Variants in HERC1 observed in about 807,000 individuals in gnomAD.
HERC1 encodes the protein probable E3 ubiquitin-protein ligase HERC1.
In HERC1, 160 loss-of-function variants were observed where a neutral mutation model predicts 554.3. The ratio of observed to expected loss-of-function variants is 0.29; its 90% CI spans 0.25 to 0.33. The LOEUF is 0.33. Among genes scored for constraint, HERC1 ranks in the 10% least tolerant of loss-of-function variants. The pLI, the probability that HERC1 is intolerant of heterozygous loss-of-function variation, is 1.00. For missense variants in HERC1, 4,919 were observed against 5,918.5 expected (o/e 0.83, Z 5.54); for synonymous variants, 2,175 against 2,131.7 (o/e 1.02, Z -0.56).
At chr15:63,652,159 G>C (rs896151596) in intron 52 of HERC1, among the ~76,000 whole-genome samples, 1 of 152,140 alleles carries the variant, frequency 6.6e-6, no homozygotes, top group Admixed American at 6.5e-5. Context: ...TTAGCCTACT[G>C]TTTTACATAG....
intron 67 of HERC1, among the ~76,000 whole-genome samples, chr15:63,633,125 A>G (rs767106798): frequency 2.0e-5 from 3 of 152,242 alleles, no homozygotes; most frequent in Non-Finnish European, 4.4e-5. Context: ...CTAGAAGACC[A>G]TGTTAGTTTA....
At chr15:63,654,409 G>C in intron 50 of HERC1, 85 bp from the exon 51 acceptor site, 1 of 1,047,420 alleles carries the variant, frequency 9.5e-7, no homozygotes, top group South Asian at 1.5e-5. Context: ...ATGCTCAGGT[G>C]AGATTTGGTG....
At chr15:63,703,679 G>A (rs1324185718) in intron 25 of HERC1, among the ~76,000 whole-genome samples, 1 of 152,086 alleles carries the variant, frequency 6.6e-6, no homozygotes, top group Non-Finnish European at 1.5e-5. Flanking sequence ...CTTGAGCCCA[G>A]TTCAAGACCA....
intron 39 of HERC1, 103 bp from the exon 40 acceptor site, chr15:63,669,801 G>A: frequency 3.8e-6 from 4 of 1,047,814 alleles, no homozygotes; most frequent in South Asian, 1.5e-5. Context: ...AGACTAAACA[G>A]GTTAGTTATA....
In HERC1 at chr15:63,774,784, G is replaced by A; in HGVS notation, c.840C>T (p.Thr280=). 2 of 1,613,956 alleles carry A rather than the reference G, an allele frequency of 1.2e-6. No homozygotes were observed. The highest frequency in any genetic ancestry group is 1.7e-6 in the Non-Finnish European group (2 of 1,179,872). The stretch of plus-strand genomic sequence containing the variant: ...TTGAGAGTAGTTTGCCTTTCTCCAT[G>A]GTGTGTACAACTGCCGAAGCCCCCA... ...MALGASAVVH[T]MEKGKLLSSQ... The change falls in exon 2 of 78, where the codon ACC becomes ACT. Residue 280 remains threonine (T), a synonymous_variant. Coordinates refer to ENST00000443617, the MANE Select transcript of HERC1 (RefSeq NM_003922.4).
chr15:63,743,437 G>A (rs2074910946), intron 12 of HERC1, among the ~76,000 whole-genome samples: 6 of 151,030 alleles, frequency 4.0e-5, no homozygotes, highest in Admixed American at 3.9e-4. Context: ...AATTTTTTTT[G>A]TATTTTTAGT....
rs778303478 is a variant in HERC1 at position 63,713,483 on chromosome 15, C to T, written c.4333G>A (p.Val1445Met). 11 of 1,613,868 alleles carry T rather than the reference C, an allele frequency of 6.8e-6. No individual in the cohort carries two copies. The highest frequency in any genetic ancestry group is 6.7e-5 in the Admixed American group (4 of 59,996). ...QDVYTAACNS[V>M]IHRCALLILG... ...ATTAACAGGGCACACCGATGGATCA[C>T]GGAGTTGCATGCAGCAGTGTACACA... Residue 1445 changes from valine (V) to methionine (M), a missense_variant, in exon 23 of 78, where the codon GTG (valine) becomes ATG (methionine). Val to Met is a conservative substitution (Grantham distance 21). Around this residue, in one of 11 missense-constraint regions of HERC1, gnomAD observed 1,121 missense variants for 1,244.0 expected, o/e 0.90. Coordinates refer to ENST00000443617, the MANE Select transcript of HERC1 (RefSeq NM_003922.4).
At chr15:63,630,438 G>A in intron 69 of HERC1, 28 bp downstream of exon 69, 1 of 1,594,010 alleles carries the variant, frequency 6.3e-7, no homozygotes, top group Non-Finnish European at 8.5e-7. Flanking sequence ...TAGAATATGA[G>A]AAAGCAGCAA....
At chr15:63,779,075 A>G (rs1417621910) in intron 1 of HERC1, among the ~76,000 whole-genome samples, 1 of 152,122 alleles carries the variant, frequency 6.6e-6, no homozygotes, top group East Asian at 1.9e-4. Context: ...AGTAGACTCA[A>G]TGACATAAAG....
At position 63,680,055 on chromosome 15, in the gene HERC1, T is replaced by G. The variant is rs778542010; in HGVS notation, c.6549+22A>C. The G allele has an allele frequency of 2.0e-6, 3 of 1,473,000 alleles. No individual in the cohort carries two copies. The allele number at this position is 1,473,000 out of a possible 1,614,324, so 91.2% of individuals were successfully genotyped here. A position where few individuals can be genotyped will look rare whatever the true frequency, so the allele number is the denominator to read the frequency against. Reference sequence around the variant, plus strand: ...CAATAAAATAACAAATATTCTTAAATAAAGGTTTGAGACTTCATTACCTTT... The same window carrying G: ...CAATAAAATAACAAATATTCTTAAAGAAAGGTTTGAGACTTCATTACCTTT... On this transcript the variant is annotated intron_variant, in intron 36 of 77. Transcript: ENST00000443617. The surrounding 1 kb of genome is among the most constrained non-coding windows in gnomAD (Gnocchi z 5.8).
intron 1 of HERC1, among the ~76,000 whole-genome samples, chr15:63,801,797 T>C (rs893672397): frequency 2.6e-5 from 4 of 152,182 alleles, no homozygotes; most frequent in Admixed American, 2.6e-4. Context: ...TGCAGTCCAC[T>C]TCAGTCTCCT....
intron 1 of HERC1, among the ~76,000 whole-genome samples, chr15:63,792,090 G>C (rs985389743): frequency 1.3e-5 from 2 of 152,092 alleles, no homozygotes; most frequent in Non-Finnish European, 2.9e-5. Flanking sequence ...ATATTCAATT[G>C]ACCAATATTC....
chr15:63,761,950 C>T (rs11633830), intron 3 of HERC1, among the ~76,000 whole-genome samples: 77,430 of 152,078 alleles, frequency 0.51, 20,664 homozygotes, highest in Non-Finnish European at 0.55. Context: ...CACATGTATA[C>T]ACATCCTAGC....
At chr15:63,691,914 G>A (rs1158239319) in intron 31 of HERC1, among the ~76,000 whole-genome samples, 1 of 152,210 alleles carries the variant, frequency 6.6e-6, no homozygotes, top group Non-Finnish European at 1.5e-5. Context: ...AAAGAGAACA[G>A]GAAAGGACTG....
intron 77 of HERC1, among the ~76,000 whole-genome samples, chr15:63,611,935 AGC>A: frequency 6.6e-6 from 1 of 152,364 alleles, no homozygotes; most frequent in South Asian, 2.1e-4. Context: ...CTGTAATCCC[AGC>A]ACTTTGGGAG....
intron 1 of HERC1, among the ~76,000 whole-genome samples, chr15:63,802,926 G>C (rs1461441134): frequency 6.6e-6 from 1 of 152,204 alleles, no homozygotes; most frequent in African/African-American, 2.4e-5. Flanking sequence ...CTATAAAATA[G>C]GGGCTGCGTG....
intron 1 of HERC1, among the ~76,000 whole-genome samples, chr15:63,817,477 G>T (rs891907183): frequency 3.3e-5 from 5 of 152,170 alleles, no homozygotes; most frequent in Non-Finnish European, 7.3e-5. Flanking sequence ...CACTTTGGGT[G>T]GCCGAGGCAG....
In HERC1 at chr15:63,647,854, C is replaced by T. The variant is rs923555021; in HGVS notation, c.10878+215G>A. On this transcript the variant is annotated intron_variant, in intron 55 of 77. Transcript: ENST00000443617. ...GTGGTGAAAAGGGAACTCACGTGTA[C>T]ACACGGGCCTAGAGTGTGGAATGAT... is the stretch of plus-strand genomic sequence containing the variant. 5.3e-5 allele frequency among the ~76,000 whole-genome samples: 8 copies of T among 152,126 alleles called. No homozygotes were observed. The East Asian group carries it at 1.3e-3, about 26-fold the overall frequency.
chr15:63,828,716 T>C (rs1024239841), intron 1 of HERC1, among the ~76,000 whole-genome samples: 2 of 152,020 alleles, frequency 1.3e-5, no homozygotes, highest in Non-Finnish European at 2.9e-5. Flanking sequence ...CAAAAAATAA[T>C]AATAATTAAA....
Sources: allele counts gnomAD v4.1 joint callset (sites outside exome capture counted in the v4.1 genomes callset), GRCh38; gene constraint gnomAD v4.1.1; regional missense constraint gnomAD v4.1.1; non-coding constraint Gnocchi (gnomAD v3.1); transcripts MANE v1.5; gene names NCBI Gene and HGNC (gene_info 2026-07-23, HGNC 2026-07-21).